IFI35: variants seen among roughly 807,000 people sequenced by gnomAD.
IFI35 encodes the protein interferon-induced 35 kDa protein.
In IFI35, 30 loss-of-function variants were observed where a neutral mutation model predicts 28.6. That is an observed-to-expected ratio of 1.05 (90% confidence interval 0.79 to 1.43). The LOEUF (loss-of-function observed/expected upper bound fraction) is 1.43. IFI35 is among the 40% of genes most tolerant of loss of function. The probability of loss-of-function intolerance (pLI) is 0.00; values close to 1 mark genes in which losing one functional copy is unlikely to be tolerated. For synonymous variants in IFI35, 146 were observed against 154.8 expected (o/e 0.94, Z 0.42); for missense variants, 372 against 356.9 (o/e 1.04, Z -0.34).
Position 43,013,580 on chromosome 17 carries a change from C to T in IFI35, c.480C>T (p.Gly160=), listed in dbSNP as rs764333198. The T allele has an allele frequency of 6.8e-6, 11 of 1,613,986 alleles. No individual in the cohort carries two copies. In the East Asian group the frequency reaches 2.0e-4, roughly 29 times the overall value. ...ELLDKLEIFF[G]KTRNGGGDVD... is the part of the protein sequence containing the mutation. ...TGGACAAGCTAGAGATCTTCTTTGGCAAGACTAGGAACGGAGGTGGCGATG... is the reference window on the plus strand; with the variant it reads ...TGGACAAGCTAGAGATCTTCTTTGGTAAGACTAGGAACGGAGGTGGCGATG... Residue 160 remains glycine (G), a synonymous_variant, in exon 5 of 7, where the codon GGC becomes GGT. Transcript: ENST00000415816.
In IFI35 at chr17:43,010,556, A is replaced by G. The variant is rs551880383; in HGVS notation, c.22-1623A>G. 5.3e-5 allele frequency among the ~76,000 whole-genome samples: 8 copies of G among 152,324 alleles called. No homozygotes were observed. The East Asian group carries it at 1.5e-3, about 29-fold the overall frequency. ...TCTATTAACTCATTAATGTCATCCA[A>G]CTGGCCCTTAAAGGCACTGTGTTAG... On this transcript the variant is annotated intron_variant, in intron 1 of 6. Transcript: ENST00000415816.
chr17:43,007,253 A>G (rs541773584), intron 1 of IFI35, among the ~76,000 whole-genome samples: 5 of 152,256 alleles, frequency 3.3e-5, no homozygotes, highest in African/African-American at 1.2e-4. Context: ...GACCCAAATA[A>G]CAATTGTTCT....
At chr17:43,012,156 G>C (rs1225396577) in intron 1 of IFI35, 23 bp from the exon 2 acceptor site, 2 of 1,521,638 alleles carry the variant, frequency 1.3e-6, no homozygotes. Context: ...TAGAAGTCTT[G>C]TTGTTTCCTT....
rs758864904 is a variant in IFI35 at position 43,014,099 on chromosome 17, C to T, written c.670-9C>T. ...ATGAGCCTTTGCCATCTCCTGGCTC[C>T]TTTTCCAGATCAGGTCGCAGCCAGT... On this transcript the variant is annotated splice_polypyrimidine_tract_variant and intron_variant, in intron 6 of 6. Coordinates refer to ENST00000415816, the MANE Select transcript of IFI35 (RefSeq NM_001330230.2). 1 of 1,613,244 alleles carries T rather than the reference C, an allele frequency of 6.2e-7. No individual in the cohort carries two copies. Among genetic ancestry groups the T allele is most frequent in the East Asian group, 2.2e-5 (1 of 44,860 alleles).
At chr17:43,012,108 C>T in intron 1 of IFI35, 71 bp from the exon 2 acceptor site, 1 of 1,128,816 alleles carries the variant, frequency 8.9e-7, no homozygotes, top group Admixed American at 2.3e-5. Context: ...GAATAGGCCC[C>T]ACTTCCCCTG....
Position 43,013,060 on chromosome 17 carries a change from T to G in IFI35, c.134T>G (p.Val45Gly), listed in dbSNP as rs1338270412. Residue 45 changes from valine to glycine, a missense_variant, in exon 3 of 7, where the codon GTG (valine) becomes GGG (glycine). Transcript: ENST00000415816. ...DSPKDKVPFS[V>G]PKIPLVFRGH... is the part of the protein sequence containing the mutation. ...CCCTACTTCCAGGTCCCATTTTCAG[T>G]GCCCAAGATCCCCCTGGTATTCCGA... is the stretch of plus-strand genomic sequence containing the variant. 6.8e-6 allele frequency: 11 copies of G among 1,613,958 alleles called. No homozygotes were observed. The highest frequency in any genetic ancestry group is 9.3e-6 in the Non-Finnish European group (11 of 1,180,012).
chr17:43,014,276 G>A lies in IFI35; in HGVS notation c.838G>A (p.Val280Ile). ...ACCCCAAGGACAGCAGGGCCTAGCA[G>A]TCTTCACCTCTGAGTCAGGCTAGGG... ...VVPQGQQGLA[V>I]FTSESG The change falls in exon 7 of 7, where the codon GTC (valine) becomes ATC (isoleucine). Residue 280 changes from valine (V) to isoleucine (I), a missense_variant. Val to Ile is a conservative substitution (Grantham distance 29, BLOSUM62 3). Transcript: ENST00000415816. 1 of 1,580,484 alleles carries A rather than the reference G, an allele frequency of 6.3e-7. No individual in the cohort carries two copies. The highest frequency in any genetic ancestry group is 8.6e-7 in the Non-Finnish European group (1 of 1,164,800).
Position 43,013,300 on chromosome 17 carries a change from C to G in IFI35, c.302C>G (p.Thr101Arg), listed in dbSNP as rs374815335. 4 of 1,614,022 alleles carry G rather than the reference C, an allele frequency of 2.5e-6. No homozygotes were observed. The highest frequency in any genetic ancestry group is 4.5e-5 in the East Asian group (2 of 44,900). The change falls in exon 4 of 7, where the codon ACG becomes AGG. Residue 101 changes from threonine to arginine, a missense_variant. By Grantham distance (71) the Thr-to-Arg change is moderately conservative. Coordinates refer to ENST00000415816, the MANE Select transcript of IFI35 (RefSeq NM_001330230.2). The part of the protein sequence containing the change: ...AEQVLQQKEH[T>R]INMEECRLRV... The stretch of plus-strand genomic sequence containing the variant: ...CAGGTGCTGCAACAAAAGGAGCACA[C>G]GATCAACATGGAGGAGTGCCGGCTG...
intron 1 of IFI35, among the ~76,000 whole-genome samples, chr17:43,010,431 G>A (rs1205451641): frequency 6.6e-6 from 1 of 152,014 alleles, no homozygotes; most frequent in African/African-American, 2.4e-5. Context: ...GATTTGCTGT[G>A]GGGGGAAACT....
chr17:43,013,735 G>C (rs748299557), intron 5 of IFI35, 41 bp from the exon 6 acceptor site: 2 of 1,609,228 alleles, frequency 1.2e-6, no homozygotes, highest in South Asian at 1.1e-5. Context: ...GGAGAGGAGA[G>C]GGCTTGATGC....
rs563529103 is a variant in IFI35 at position 43,007,268 on chromosome 17, C to T, written c.21+300C>T. On this transcript the variant is annotated intron_variant, in intron 1 of 6. Transcript: ENST00000415816. ...GACCCAAATAACAATTGTTCTAGGC[C>T]GGGCGTGGTGTCTCACGCCTGTCAT... Among the ~76,000 whole-genome samples, 8 of 152,234 alleles carry T rather than the reference C, an allele frequency of 5.3e-5. No individual in the cohort carries two copies. The South Asian group carries it at 1.0e-3, about 20-fold the overall frequency.
intron 1 of IFI35, among the ~76,000 whole-genome samples, chr17:43,011,794 ACAGT>A: frequency 6.6e-6 from 1 of 152,240 alleles, no homozygotes; most frequent in South Asian, 2.1e-4. Context: ...GCTGCCCTTC[ACAGT>A]CAGTCATGTG....
In IFI35 at chr17:43,013,331, G is replaced by A. The variant is rs1308176681; in HGVS notation, c.333G>A (p.Val111=). Residue 111 remains valine (V), a synonymous_variant, in exon 4 of 7, where the codon GTG becomes GTA. Coordinates refer to ENST00000415816, the MANE Select transcript of IFI35 (RefSeq NM_001330230.2). ...ACATGGAGGAGTGCCGGCTGCGGGT[G>A]CAGGTCCAGCCCTTGGAGCTGCCCA... ...TINMEECRLR[V]QVQPLELPMV... is the part of the protein sequence containing the mutation. The A allele has an allele frequency of 3.1e-6, 5 of 1,614,014 alleles. No homozygotes were observed. Among genetic ancestry groups the A allele is most frequent in the East Asian group, 2.2e-5 (1 of 44,894 alleles).
At chr17:43,011,771 C>T (rs1269897876) in intron 1 of IFI35, among the ~76,000 whole-genome samples, 1 of 152,192 alleles carries the variant, frequency 6.6e-6, no homozygotes, top group Non-Finnish European at 1.5e-5. Flanking sequence ...GATTGTCCCT[C>T]TTCCAAATTC....
Position 43,012,243 on chromosome 17 carries a change from T to A in IFI35, c.86T>A (p.Leu29Gln). Residue 29 changes from leucine (L) to glutamine (Q), a missense_variant, in exon 2 of 7, where the codon CTG (leucine) becomes CAG (glutamine). By Grantham distance (113) the Leu-to-Gln change is moderately radical (BLOSUM62 -2). Coordinates refer to ENST00000415816, the MANE Select transcript of IFI35 (RefSeq NM_001330230.2). ...ATGAGGCTGTGGGACCTGCAGCAGC[T>A]GAGAAAGGAGCTCGGGGACTCCCCC... ...LKMRLWDLQQLRKELGDSPKD... is the reference protein window; with the variant it reads ...LKMRLWDLQQQRKELGDSPKD... The A allele has an allele frequency of 6.3e-7, 1 of 1,578,362 alleles. No individual in the cohort carries two copies. The highest frequency in any genetic ancestry group is 8.6e-7 in the Non-Finnish European group (1 of 1,161,758).
chr17:43,008,598 A>C (rs1421578005), intron 1 of IFI35, among the ~76,000 whole-genome samples: 1 of 136,028 alleles, frequency 7.4e-6, no homozygotes, highest in Admixed American at 8.8e-5. Flanking sequence ...ATCTCGGCTC[A>C]CAGCAAGCTC....
intron 1 of IFI35, among the ~76,000 whole-genome samples, chr17:43,008,282 C>G (rs573545334): frequency 2.0e-5 from 3 of 151,244 alleles, no homozygotes; most frequent in Non-Finnish European, 2.9e-5. Context: ...GATCTGCCCC[C>G]CTCAAGCTCC....
intron 1 of IFI35, among the ~76,000 whole-genome samples, chr17:43,011,284 C>T (rs1008543366): frequency 7.2e-5 from 11 of 152,094 alleles, no homozygotes; most frequent in Non-Finnish European, 1.6e-4. Context: ...TTTAGGAGGC[C>T]GAGGCGGGCA....
rs2050474226 is a variant in IFI35 at position 43,012,906 on chromosome 17, G to A, written c.121-141G>A. 4.4e-6 allele frequency: 4 copies of A among 906,368 alleles called. No homozygotes were observed. The South Asian group carries it at 6.3e-5, about 14-fold the overall frequency. 56.1% of individuals were successfully genotyped at this position (906,368 alleles called of 1,614,324 possible). A position where few individuals can be genotyped will look rare whatever the true frequency, so the allele number is the denominator to read the frequency against. ...AAATTGCCCTGTATGGACCAGACCT[G>A]CATTCATCCACTCATTTATCCAGCT... On this transcript the variant is annotated intron_variant, in intron 2 of 6. Transcript: ENST00000415816.
Sources: allele counts gnomAD v4.1 joint callset (sites outside exome capture counted in the v4.1 genomes callset), GRCh38; gene constraint gnomAD v4.1.1; transcripts MANE v1.5; gene names NCBI Gene and HGNC (gene_info 2026-07-23, HGNC 2026-07-21).